TRIML1: variants seen among roughly 807,000 people sequenced by gnomAD.
The protein encoded by TRIML1 is probable E3 ubiquitin-protein ligase TRIML1.
Under a neutral mutation model 32.3 loss-of-function variants are expected in TRIML1, and 34 were observed. The observed-to-expected ratio is 1.05, with a 90% CI of 0.80 to 1.40. TRIML1 has a LOEUF of 1.40. TRIML1 is among the 40% of genes most tolerant of loss of function. TRIML1 has a pLI of 0.00. For missense variants in TRIML1, 595 were observed against 574.9 expected, an observed-to-expected ratio of 1.03 and a Z score of -0.36; for synonymous variants, 244 against 226.6, an observed-to-expected ratio of 1.08 and a Z score of -0.69.
chr4:188,147,420 A>G lies in TRIML1; in HGVS notation c.*48A>G, dbSNP rs933421192. The G allele has an allele frequency of 1.4e-6, 2 of 1,426,638 alleles. No individual in the cohort carries two copies. Among genetic ancestry groups the G allele is most frequent in the Non-Finnish European group, 1.8e-6 (2 of 1,088,792 alleles). The allele number at this position is 1,426,638 out of a possible 1,614,324, so 88.4% of individuals were successfully genotyped here. Reference sequence around the variant, plus strand: ...AGCGGGCGATGTCTGAGACCAAGACACAACTATTAAGACGATGAAGGCATC... The same window carrying G: ...AGCGGGCGATGTCTGAGACCAAGACGCAACTATTAAGACGATGAAGGCATC... On this transcript the variant is annotated 3_prime_UTR_variant, in exon 6 of 6. Transcript: ENST00000332517.
At chr4:188,137,924 C>CT (rs57365206), upstream of TRIML1, among the ~76,000 whole-genome samples, 26 of 140,768 alleles carry the variant, frequency 1.8e-4, no homozygotes, top group East Asian at 5.1e-3. Context: ...AACTTTTTTT[C>CT]TTTTTTTTTT....
intron 2 of TRIML1, among the ~76,000 whole-genome samples, chr4:188,141,393 C>T (rs12504493): frequency 0.2 from 30,871 of 151,610 alleles, 3,383 homozygotes; most frequent in Middle Eastern, 0.32. Context: ...CTCGAACTCC[C>T]GACCTCAGGT....
Position 188,139,508 on chromosome 4 carries a change from G to A in TRIML1, c.-51G>A, listed in dbSNP as rs753485291. On this transcript the variant is annotated 5_prime_UTR_variant, in exon 1 of 6. Coordinates refer to ENST00000332517, the MANE Select transcript of TRIML1 (RefSeq NM_178556.5). ...ACTGTAGGACGGCAGTGAGGGCTTT[G>A]CTAATCCCAGAACAGAGGTGTAACC... The A allele has an allele frequency of 4.6e-6, 7 of 1,516,808 alleles. No homozygotes were observed. Among genetic ancestry groups the A allele is most frequent in the Non-Finnish European group, 6.2e-6 (7 of 1,130,850 alleles). The allele number at this position is 1,516,808 out of a possible 1,614,324, so 94.0% of individuals were successfully genotyped here.
rs1483120369 is a variant in TRIML1 at position 188,144,500 on chromosome 4, C to T, written c.856+367C>T. Among the ~76,000 whole-genome samples the T allele has an allele frequency of 5.5e-5, 8 of 144,482 alleles. 1 individual carries two copies. The highest frequency in any genetic ancestry group is 4.8e-4 in the South Asian group (2 of 4,134). 94.8% of individuals were successfully genotyped at this position (144,482 alleles called of 152,430 possible). A position where few individuals can be genotyped will look rare whatever the true frequency, so the allele number is the denominator to read the frequency against. On this transcript the variant is annotated intron_variant, in intron 5 of 5. Transcript: ENST00000332517. ...GCCTCAGCCTCCCGAGTAGCTGGGA[C>T]TACAGGCGCCCGCCACCACGCCTGG...
In TRIML1 at chr4:188,146,960, G is replaced by A. The variant is rs771397236; in HGVS notation, c.995G>A (p.Gly332Asp). 10 of 1,551,386 alleles carry A rather than the reference G, an allele frequency of 6.4e-6. No individual in the cohort carries two copies. The highest frequency in any genetic ancestry group is 5.0e-5 in the South Asian group (4 of 79,548). ...ERFDQSATVL[G>D]TQIFTSGRHY... ...TTTGACCAGTCTGCGACTGTGCTGG[G>A]TACTCAGATCTTCACCAGTGGGAGA... is the stretch of plus-strand genomic sequence containing the variant. The change falls in exon 6 of 6, where the codon GGT (glycine) becomes GAT (aspartate). Residue 332 changes from glycine (G) to aspartate (D), a missense_variant. Coordinates refer to ENST00000332517, the MANE Select transcript of TRIML1 (RefSeq NM_178556.5).
downstream of TRIML1, among the ~76,000 whole-genome samples, chr4:188,150,700 C>A (rs1735230940): frequency 6.6e-6 from 1 of 151,636 alleles, no homozygotes; most frequent in African/African-American, 2.4e-5. Context: ...CTAATTTTTC[C>A]TTTGGCAAAA....
upstream of TRIML1, among the ~76,000 whole-genome samples, chr4:188,137,998 G>A (rs1734714975): frequency 6.7e-6 from 1 of 149,694 alleles, no homozygotes; most frequent in Non-Finnish European, 1.5e-5. Context: ...GTATCCTGGA[G>A]GCTATCTTGG....
At position 188,146,918 on chromosome 4, in the gene TRIML1, C is replaced by A. The variant is rs529833554; in HGVS notation, c.953C>A (p.Pro318His). The change falls in exon 6 of 6, where the codon CCC (proline) becomes CAC (histidine). Residue 318 changes from proline to histidine, a missense_variant. Physicochemically the swap from Pro to His is moderately conservative, Grantham distance 77. Transcript: ENST00000332517. Reference sequence around the variant, plus strand: ...TATGGGGGAAGCAGACAGCAGCTACCCGACAACCCGGAAAGATTTGACCAG... The same window carrying A: ...TATGGGGGAAGCAGACAGCAGCTACACGACAACCCGGAAAGATTTGACCAG... ...VKYGGSRQQL[P>H]DNPERFDQSA... The A allele has an allele frequency of 2.7e-6, 4 of 1,492,378 alleles. No homozygotes were observed. Among genetic ancestry groups the A allele is most frequent in the Non-Finnish European group, 3.6e-6 (4 of 1,120,290 alleles). The allele number at this position is 1,492,378 out of a possible 1,614,324, so 92.4% of individuals were successfully genotyped here.
At chr4:188,138,887 C>A (rs1023015309), upstream of TRIML1, among the ~76,000 whole-genome samples, 1 of 151,986 alleles carries the variant, frequency 6.6e-6, no homozygotes, top group Admixed American at 6.6e-5. Flanking sequence ...GGCAATTCAT[C>A]GTGCGCCTAA....
rs201873654 is a variant in TRIML1, at chr4:188,147,397, C to T, written c.*25C>T. 31 of 1,452,078 alleles carry T rather than the reference C, an allele frequency of 2.1e-5. No homozygotes were observed. Among genetic ancestry groups the T allele is most frequent in the African/African-American group, 2.0e-4 (14 of 70,578 alleles). The allele number at this position is 1,452,078 out of a possible 1,614,324, so 89.9% of individuals were successfully genotyped here. A position where few individuals can be genotyped will look rare whatever the true frequency, so the allele number is the denominator to read the frequency against. Reference sequence around the variant, plus strand: ...AGGGGCGTGCCCTGAGCCGTCACAGCGGGCGATGTCTGAGACCAAGACACA... The same window carrying T: ...AGGGGCGTGCCCTGAGCCGTCACAGTGGGCGATGTCTGAGACCAAGACACA... On this transcript the variant is annotated 3_prime_UTR_variant, in exon 6 of 6. Coordinates refer to ENST00000332517, the MANE Select transcript of TRIML1 (RefSeq NM_178556.5).
At position 188,139,487 on chromosome 4, in the gene TRIML1, T is replaced by C; in HGVS notation, c.-72T>C. 1 of 1,468,106 alleles carries C rather than the reference T, an allele frequency of 6.8e-7. No individual in the cohort carries two copies. Among genetic ancestry groups the C allele is most frequent in the Non-Finnish European group, 9.2e-7 (1 of 1,090,914 alleles). The allele number at this position is 1,468,106 out of a possible 1,614,324, so 90.9% of individuals were successfully genotyped here. On this transcript the variant is annotated 5_prime_UTR_variant, in exon 1 of 6. Transcript: ENST00000332517. ...GTCACCCGCGTGTTACTCAAAACTGTAGGACGGCAGTGAGGGCTTTGCTAA... is the reference window on the plus strand; with the variant it reads ...GTCACCCGCGTGTTACTCAAAACTGCAGGACGGCAGTGAGGGCTTTGCTAA...
At chr4:188,137,638 C>T (rs1181371804), upstream of TRIML1, among the ~76,000 whole-genome samples, 5 of 151,778 alleles carry the variant, frequency 3.3e-5, no homozygotes, top group African/African-American at 9.7e-5. Context: ...CCACCATGCC[C>T]GGCTAATTTT....
chr4:188,146,885 G>C lies in TRIML1; in HGVS notation c.920G>C (p.Ser307Thr), dbSNP rs1270206491. The change falls in exon 6 of 6, where the codon AGT becomes ACT. Residue 307 changes from serine to threonine, a missense_variant. By Grantham distance (58) the Ser-to-Thr change is moderately conservative. Transcript: ENST00000332517. Reference sequence around the variant, plus strand: ...CTCGTGTTGTCGGAGGATCTGAAGAGTGTGAAATATGGGGGAAGCAGACAG... The same window carrying C: ...CTCGTGTTGTCGGAGGATCTGAAGACTGTGAAATATGGGGGAAGCAGACAG... Reference protein sequence around the residue: ...AYLVLSEDLKSVKYGGSRQQL... With the variant: ...AYLVLSEDLKTVKYGGSRQQL... The C allele has an allele frequency of 6.7e-7, 1 of 1,492,220 alleles. No individual in the cohort carries two copies. The highest frequency in any genetic ancestry group is 8.9e-7 in the Non-Finnish European group (1 of 1,120,402). 92.4% of individuals were successfully genotyped at this position (1,492,220 alleles called of 1,614,324 possible).
chr4:188,141,732 A>T (rs530997410), intron 2 of TRIML1, among the ~76,000 whole-genome samples: 6 of 152,214 alleles, frequency 3.9e-5, no homozygotes, highest in African/African-American at 1.4e-4. Context: ...TATAGCGCAC[A>T]TACCTCCGAA....
At chr4:188,142,787 A>G (rs1473974074) in intron 3 of TRIML1, 2 of 294,336 alleles carry the variant, frequency 6.8e-6, no homozygotes, top group African/African-American at 2.2e-5. Context: ...ATTAATGTGT[A>G]TTTACTATGT....
intron 5 of TRIML1, among the ~76,000 whole-genome samples, chr4:188,144,376 TC>T (rs1470559345): frequency 2.7e-5 from 4 of 150,762 alleles, no homozygotes; most frequent in African/African-American, 4.9e-5. Context: ...TTTTTTTTTT[TC>T]TTTGAGACGG....
At chr4:188,150,108 T>G (rs891595483), downstream of TRIML1, among the ~76,000 whole-genome samples, 1 of 145,082 alleles carries the variant, frequency 6.9e-6, no homozygotes. Context: ...CCGGCCTTAT[T>G]TTATTTATTT....
At position 188,147,623 on chromosome 4, in the gene TRIML1, CA is replaced by C; in HGVS notation, c.*252del. On this transcript the variant is annotated 3_prime_UTR_variant, in exon 6 of 6. Transcript: ENST00000332517. ...AGTAAATGTATTCTCTGGGCTACCC[CA>C]TGTGTGTGCTGGTCACTCAAATATT... 1 of 355,924 alleles carries C rather than the reference CA, an allele frequency of 2.8e-6. No individual in the cohort carries two copies. The highest frequency in any genetic ancestry group is 4.2e-5 in the East Asian group (1 of 23,738). The allele number at this position is 355,924 out of a possible 1,614,324, so 22.0% of individuals were successfully genotyped here.
rs1188750422 is a variant in TRIML1, at chr4:188,139,639, G to A, written c.81G>A (p.Val27=). The A allele has an allele frequency of 1.2e-6, 2 of 1,614,126 alleles. No homozygotes were observed. The highest frequency in any genetic ancestry group is 1.7e-6 in the Non-Finnish European group (2 of 1,180,010). The change falls in exon 1 of 6, where the codon GTG becomes GTA. Residue 27 remains valine, a synonymous_variant. Transcript: ENST00000332517. The part of the protein sequence containing the change: ...FICLDYFSSP[V]TTECGHSFCL... ...GCTTAGACTATTTCAGCAGCCCAGT[G>A]ACCACCGAGTGTGGGCACAGCTTTT...
Sources: gnomAD v4.1 joint callset for allele counts (sites outside exome capture counted in the v4.1 genomes callset) on GRCh38, gnomAD v4.1.1 for gene constraint, MANE v1.5 for transcripts, NCBI Gene and HGNC (gene_info 2026-07-23, HGNC 2026-07-21) for gene names.